CSMD3: variants seen among roughly 807,000 people sequenced by gnomAD.
CSMD3 encodes CUB and sushi domain-containing protein 3.
In CSMD3, 177 loss-of-function variants were observed where a neutral mutation model predicts 435.2. That is an observed-to-expected ratio of 0.41 (90% confidence interval 0.36 to 0.46). CSMD3 has a LOEUF of 0.46. Among genes scored for constraint, CSMD3 ranks in the 20% least tolerant of loss-of-function variants. The pLI is 0.34. For missense variants in CSMD3, 4,265 were observed against 4,504.6 expected (o/e 0.95, Z 1.52); for synonymous variants, 1,656 against 1,520.5 (o/e 1.09, Z -2.07).
At chr8:113,122,789 T>C (rs1483723377) in intron 4 of CSMD3, among the ~76,000 whole-genome samples, 1 of 152,090 alleles carries the variant, frequency 6.6e-6, no homozygotes, top group East Asian at 1.9e-4. Flanking sequence ...CCTACAAAAT[T>C]GTAAGATAAG....
intron 13 of CSMD3, among the ~76,000 whole-genome samples, chr8:112,726,027 G>T (rs2076956805): frequency 6.6e-6 from 1 of 151,900 alleles, no homozygotes; most frequent in Non-Finnish European, 1.5e-5. Flanking sequence ...GAAGGCAAAA[G>T]GGAAGCAAGG....
chr8:113,001,886 G>C (rs184158929), intron 6 of CSMD3, among the ~76,000 whole-genome samples: 4 of 152,124 alleles, frequency 2.6e-5, no homozygotes, highest in Admixed American at 2.6e-4. Flanking sequence ...AAAGTACATA[G>C]TACATTGTTA....
At chr8:113,343,509 A>G (rs2094133392) in intron 1 of CSMD3, among the ~76,000 whole-genome samples, 1 of 152,186 alleles carries the variant, frequency 6.6e-6, no homozygotes, top group African/African-American at 2.4e-5. Context: ...GTTTAAAATG[A>G]GTGTCATTGG....
chr8:112,739,725 T>C (rs1226590204), intron 13 of CSMD3, among the ~76,000 whole-genome samples: 2 of 151,786 alleles, frequency 1.3e-5, no homozygotes, highest in Admixed American at 6.6e-5. Flanking sequence ...GAAACCCTAG[T>C]CCATGAACAA....
At position 113,208,573 on chromosome 8, in the gene CSMD3, G is replaced by C. The variant is rs191432794; in HGVS notation, c.515-34657C>G. Among the ~76,000 whole-genome samples, 201 of 152,078 alleles carry C rather than the reference G, an allele frequency of 1.3e-3. 2 individuals are homozygous for C. The highest frequency in any genetic ancestry group is 4.5e-3 in the African/African-American group (188 of 41,488). Reference sequence around the variant, plus strand: ...CCACAATATAATATCATATATAAAAGATATCTTTATTTTGATCATTTCGCA... The same window carrying C: ...CCACAATATAATATCATATATAAAACATATCTTTATTTTGATCATTTCGCA... On this transcript the variant is annotated intron_variant, in intron 3 of 70. Transcript: ENST00000297405.
intron 38 of CSMD3, among the ~76,000 whole-genome samples, chr8:112,354,218 T>C (rs955626232): frequency 6.6e-6 from 1 of 152,072 alleles, no homozygotes; most frequent in Non-Finnish European, 1.5e-5. Flanking sequence ...GATCCATATA[T>C]GACAAACCCA....
intron 10 of CSMD3, among the ~76,000 whole-genome samples, chr8:112,897,682 CTCTCTCTCTCTCTGTGTG>C (rs1227399926): frequency 1.7e-4 from 15 of 87,016 alleles, no homozygotes; most frequent in African/African-American, 5.5e-4. Context: ...CTCTCTCTCT[CTCTCTCTCTCTCTGTGTG>C]TGTGTGTGTG....
chr8:112,903,193 T>A (rs1271707693), intron 10 of CSMD3, among the ~76,000 whole-genome samples: 2 of 146,396 alleles, frequency 1.4e-5, no homozygotes, highest in East Asian at 2.1e-4. Flanking sequence ...AAACATGGCC[T>A]AGGAGATTCA....
chr8:113,124,441 T>G (rs1454963551), intron 4 of CSMD3, among the ~76,000 whole-genome samples: 1 of 151,780 alleles, frequency 6.6e-6, no homozygotes, highest in Admixed American at 6.6e-5. Flanking sequence ...AGGAAAAGTT[T>G]GATGGGACTC....
chr8:112,666,202 G>A (rs2075520640), intron 17 of CSMD3, 75 bp downstream of exon 17: 3 of 1,152,114 alleles, frequency 2.6e-6, no homozygotes, highest in East Asian at 2.5e-5. Context: ...CATTCATTTG[G>A]TAAATGCAAA....
At chr8:112,498,084 AT>A (rs777466421) in intron 30 of CSMD3, among the ~76,000 whole-genome samples, 1 of 152,116 alleles carries the variant, frequency 6.6e-6, no homozygotes, top group South Asian at 2.1e-4. Context: ...CTATACTTAT[AT>A]TTTTCTTTGC....
chr8:113,070,602 C>T (rs572366945), intron 5 of CSMD3, among the ~76,000 whole-genome samples: 34 of 152,080 alleles, frequency 2.2e-4, no homozygotes, highest in African/African-American at 8.2e-4. Context: ...ACCAACAACT[C>T]CCAATTTTTT....
intron 10 of CSMD3, among the ~76,000 whole-genome samples, chr8:112,917,416 G>C (rs1171029318): frequency 6.6e-6 from 1 of 151,894 alleles, no homozygotes; most frequent in East Asian, 1.9e-4. Flanking sequence ...GGTTGGCTTG[G>C]TCATTCAGGA....
intron 13 of CSMD3, among the ~76,000 whole-genome samples, chr8:112,720,681 T>G (rs937222303): frequency 1.3e-5 from 2 of 152,192 alleles, no homozygotes; most frequent in African/African-American, 4.8e-5. Flanking sequence ...AATCATTCAC[T>G]AAAACTTCCA....
chr8:112,554,022 TG>T (rs543191985), intron 25 of CSMD3, among the ~76,000 whole-genome samples: 2 of 151,660 alleles, frequency 1.3e-5, no homozygotes, highest in African/African-American at 4.9e-5. Context: ...CTAAGTTTCC[TG>T]GGGGGAAAAA....
chr8:112,767,397 G>A (rs897352032), intron 13 of CSMD3, among the ~76,000 whole-genome samples: 67 of 151,736 alleles, frequency 4.4e-4, no homozygotes, highest in African/African-American at 1.4e-3. Flanking sequence ...GAAAATTACC[G>A]ACAATTTATT....
chr8:112,958,779 T>A (rs1439082469), intron 7 of CSMD3, among the ~76,000 whole-genome samples: 1 of 152,330 alleles, frequency 6.6e-6, no homozygotes, highest in East Asian at 1.9e-4. Context: ...CATTTGTCTT[T>A]ATGTTTTATG....
At position 112,879,934 on chromosome 8, in the gene CSMD3, A is replaced by T. The variant is rs192147826; in HGVS notation, c.1634-20668T>A. Among the ~76,000 whole-genome samples, 32 of 152,164 alleles carry T rather than the reference A, an allele frequency of 2.1e-4. No homozygotes were observed. In the East Asian group the frequency reaches 6.2e-3, roughly 30 times the overall value. On this transcript the variant is annotated intron_variant, in intron 10 of 70. Coordinates refer to ENST00000297405, the MANE Select transcript of CSMD3 (RefSeq NM_198123.2). ...TGGGCCTGTTGGGGGGTGGAGGGTTAGGGGAGGCATAACATTAGGAGAAAT... is the reference window on the plus strand; with the variant it reads ...TGGGCCTGTTGGGGGGTGGAGGGTTTGGGGAGGCATAACATTAGGAGAAAT...
In CSMD3 at chr8:112,506,811, A is replaced by C; in HGVS notation, c.4775T>G (p.Leu1592Ter). The C allele has an allele frequency of 6.2e-7, 1 of 1,613,378 alleles. No individual in the cohort carries two copies. The highest frequency in any genetic ancestry group is 8.5e-7 in the Non-Finnish European group (1 of 1,179,408). The change falls in exon 29 of 71, where the codon TTA (leucine) becomes TGA (stop). Residue 1592 changes from leucine (L) to a stop codon, truncating the protein, a stop_gained. Coordinates refer to ENST00000297405, the MANE Select transcript of CSMD3 (RefSeq NM_198123.2). LOFTEE classifies it high-confidence loss of function. ...AAGAATAAAGCCTGAAGATCCTGTT[A>C]AATTGCCTCCACAGGGTGCTTTAAT... Reference protein sequence around the residue: ...PVCIAPCGGNLTGSSGFILSP... With the variant: ...PVCIAPCGGN
Sources: allele counts gnomAD v4.1 joint callset (sites outside exome capture counted in the v4.1 genomes callset), GRCh38; gene constraint gnomAD v4.1.1; transcripts MANE v1.5; gene names NCBI Gene and HGNC (gene_info 2026-07-23, HGNC 2026-07-21).